Variants in PIGL observed in about 807,000 individuals in gnomAD.
PIGL encodes phosphatidylinositol glycan anchor biosynthesis class L.
PIGL carries 22 observed loss-of-function variants against 31.1 expected under a neutral mutation model. That is an observed-to-expected ratio of 0.71 (90% CI 0.51 to 1.01). The LOEUF (loss-of-function observed/expected upper bound fraction) is 1.01. Ranked by LOEUF, PIGL falls within the 50% of genes least tolerant of loss-of-function variation. The pLI is 0.00. For synonymous variants in PIGL, 131 were observed against 117.4 expected (o/e 1.12, Z -0.75); for missense variants, 302 against 315.9 (o/e 0.96, Z 0.33).
At chr17:16,239,141 C>A (rs926848478) in intron 2 of PIGL, among the ~76,000 whole-genome samples, 7 of 151,750 alleles carry the variant, frequency 4.6e-5, no homozygotes, top group African/African-American at 1.7e-4. Flanking sequence ...TCAAAGCCAG[C>A]CTAGGCAACA....
intron 2 of PIGL, among the ~76,000 whole-genome samples, chr17:16,273,656 A>G (rs2092881667): frequency 6.6e-6 from 1 of 152,080 alleles, no homozygotes; most frequent in South Asian, 2.1e-4. Flanking sequence ...CTACAGAGGT[A>G]GCTATTCTAA....
chr17:16,223,047 C>T (rs921193036), intron 1 of PIGL, among the ~76,000 whole-genome samples: 4 of 151,992 alleles, frequency 2.6e-5, no homozygotes, highest in African/African-American at 9.7e-5. Flanking sequence ...AAGAATGCCT[C>T]GGTCAAGTTT....
At chr17:16,231,359 C>T (rs1600749705) in intron 1 of PIGL, among the ~76,000 whole-genome samples, 2 of 151,472 alleles carry the variant, frequency 1.3e-5, no homozygotes, top group East Asian at 1.9e-4. Flanking sequence ...TTCAGCCTCC[C>T]GAGTCAGTGG....
chr17:16,323,016 A>C (rs2093112391), intron 6 of PIGL, among the ~76,000 whole-genome samples: 1 of 152,180 alleles, frequency 6.6e-6, no homozygotes, highest in Non-Finnish European at 1.5e-5. Flanking sequence ...CTAATGAATC[A>C]ACAACATGTA....
At chr17:16,227,159 A>C (rs907208554) in intron 1 of PIGL, among the ~76,000 whole-genome samples, 1 of 150,888 alleles carries the variant, frequency 6.6e-6, no homozygotes, top group Non-Finnish European at 1.5e-5. Context: ...CCCAGGCTGG[A>C]GTGCAGTGGC....
chr17:16,269,371 G>C (rs995937343), intron 2 of PIGL, among the ~76,000 whole-genome samples: 1 of 152,096 alleles, frequency 6.6e-6, no homozygotes, highest in African/African-American at 2.4e-5. Flanking sequence ...GGGCAGGCCA[G>C]GCACTGTGGC....
At chr17:16,250,525 G>A (rs1377548368) in intron 2 of PIGL, among the ~76,000 whole-genome samples, 2 of 152,058 alleles carry the variant, frequency 1.3e-5, no homozygotes, top group Non-Finnish European at 2.9e-5. Flanking sequence ...ATAGCAACAC[G>A]CAACAGTCAG....
chr17:16,247,432 T>C (rs1212746480), intron 2 of PIGL, among the ~76,000 whole-genome samples: 2 of 152,214 alleles, frequency 1.3e-5, no homozygotes, highest in Non-Finnish European at 2.9e-5. Flanking sequence ...AGACAAGTTA[T>C]ATATTTACAA....
chr17:16,278,644 C>T (rs1008038258), intron 2 of PIGL, among the ~76,000 whole-genome samples: 8 of 152,038 alleles, frequency 5.3e-5, no homozygotes, highest in African/African-American at 1.9e-4. Context: ...CACAAACCTT[C>T]CACAACTTGT....
intron 3 of PIGL, among the ~76,000 whole-genome samples, chr17:16,302,567 T>G (rs1195347337): frequency 1.3e-5 from 2 of 152,142 alleles, no homozygotes; most frequent in African/African-American, 4.8e-5. Flanking sequence ...TCTTCCAAAT[T>G]GCTCCTGCTG....
At chr17:16,234,126 A>G (rs1207787454) in intron 2 of PIGL, 56 bp downstream of exon 2, 9 of 977,450 alleles carry the variant, frequency 9.2e-6, no homozygotes, top group Admixed American at 7.5e-5. Flanking sequence ...GCAGTGATAT[A>G]CTCAAAAGAC....
chr17:16,266,733 A>C (rs1458648661), intron 2 of PIGL, among the ~76,000 whole-genome samples: 1 of 151,682 alleles, frequency 6.6e-6, no homozygotes, highest in Admixed American at 6.6e-5. Context: ...GTAGCTGGGA[A>C]TACAGGCGCC....
At chr17:16,290,444 G>T (rs2092955703) in intron 2 of PIGL, among the ~76,000 whole-genome samples, 1 of 151,288 alleles carries the variant, frequency 6.6e-6, no homozygotes, top group Non-Finnish European at 1.5e-5. Flanking sequence ...CCAGGCTGCA[G>T]GTGCAGTGGT....
intron 2 of PIGL, among the ~76,000 whole-genome samples, chr17:16,244,673 G>A (rs1270876862): frequency 6.6e-6 from 1 of 152,012 alleles, no homozygotes; most frequent in Non-Finnish European, 1.5e-5. Context: ...GGGAGTTTTT[G>A]GTTTTTGTTT....
intron 2 of PIGL, among the ~76,000 whole-genome samples, chr17:16,295,101 G>A (rs1393706437): frequency 6.6e-6 from 1 of 152,160 alleles, no homozygotes; most frequent in African/African-American, 2.4e-5. Flanking sequence ...TCCATCGGGG[G>A]ACTTATGATA....
intron 4 of PIGL, among the ~76,000 whole-genome samples, chr17:16,314,312 G>C (rs2093066980): frequency 1.3e-5 from 2 of 152,134 alleles, no homozygotes; most frequent in African/African-American, 4.8e-5. Context: ...TGAAGGGAAG[G>C]ACTTATTTAA....
intron 1 of PIGL, among the ~76,000 whole-genome samples, chr17:16,225,329 G>A (rs1255327085): frequency 6.6e-6 from 1 of 151,112 alleles, no homozygotes; most frequent in Non-Finnish European, 1.5e-5. Flanking sequence ...TAATTCATTC[G>A]GGGTGACTCG....
chr17:16,218,502 C>A (rs890051540), intron 1 of PIGL, among the ~76,000 whole-genome samples: 5 of 152,042 alleles, frequency 3.3e-5, no homozygotes, highest in Admixed American at 2.6e-4. Flanking sequence ...TCGGGATAAA[C>A]CTTAATCATC....
chr17:16,249,471 C>A (rs1376803655), intron 2 of PIGL, among the ~76,000 whole-genome samples: 1 of 152,008 alleles, frequency 6.6e-6, no homozygotes, highest in South Asian at 2.1e-4. Flanking sequence ...CAGAGCGACA[C>A]AAAGACAAGA....
Sources: gnomAD v4.1 joint callset for allele counts (sites outside exome capture counted in the v4.1 genomes callset) on GRCh38, gnomAD v4.1.1 for gene constraint, MANE v1.5 for transcripts, NCBI Gene and HGNC (gene_info 2026-07-23, HGNC 2026-07-21) for gene names.